Variants in SMARCC1 observed in about 807,000 individuals in gnomAD.
SMARCC1 encodes the protein SWI/SNF related BAF chromatin remodeling complex subunit C1.
A neutral mutation model predicts 147.4 loss-of-function variants in SMARCC1; 43 were observed. That is an observed-to-expected ratio of 0.29 (90% CI 0.23 to 0.38). The LOEUF (loss-of-function observed/expected upper bound fraction) is 0.38, where lower values mean the gene tolerates loss of function less well. Among genes scored for constraint, SMARCC1 ranks in the 10% least tolerant of loss-of-function variants. SMARCC1 has a pLI of 1.00. For synonymous variants in SMARCC1, 495 were observed against 484.4 expected, an observed-to-expected ratio of 1.02 and a Z score of -0.29; for missense variants, 1,119 against 1,381.1, an observed-to-expected ratio of 0.81 and a Z score of 3.01.
rs376524148 is a variant in SMARCC1 at position 47,696,951 on chromosome 3, C to T, written c.1166-3651G>A. ...TCATGGCTCACTGAAGCCTCAATGTCCTTGGTTTCCAGCAATCCTCTCACT... is the reference window on the plus strand; with the variant it reads ...TCATGGCTCACTGAAGCCTCAATGTTCTTGGTTTCCAGCAATCCTCTCACT... On this transcript the variant is annotated intron_variant, in intron 11 of 27. Coordinates refer to ENST00000254480, the MANE Select transcript of SMARCC1 (RefSeq NM_003074.4). Among the ~76,000 whole-genome samples the T allele has an allele frequency of 1.9e-4, 29 of 152,300 alleles. No homozygotes were observed. In the East Asian group the frequency reaches 5.6e-3, roughly 29 times the overall value.
rs551232079 is a variant in SMARCC1, at chr3:47,744,341, C to T, written c.401+1567G>A. 2.2e-4 allele frequency among the ~76,000 whole-genome samples: 34 copies of T among 152,136 alleles called. No homozygotes were observed. In the South Asian group the frequency reaches 2.5e-3, roughly 11 times the overall value. Reference sequence around the variant, plus strand: ...TGTATTTTTAGTAGAGACAGGGTTTCGCCATGATGGCCAGTCTGGACTCGA... The same window carrying T: ...TGTATTTTTAGTAGAGACAGGGTTTTGCCATGATGGCCAGTCTGGACTCGA... On this transcript the variant is annotated intron_variant, in intron 3 of 27. Transcript: ENST00000254480.
chr3:47,775,127 T>C (rs761853279), intron 1 of SMARCC1, among the ~76,000 whole-genome samples: 1 of 151,942 alleles, frequency 6.6e-6, no homozygotes, highest in African/African-American at 2.4e-5. Context: ...AAGTGAAAAT[T>C]TGAAGTCAGT....
chr3:47,629,306 A>G (rs1246797959), intron 24 of SMARCC1, among the ~76,000 whole-genome samples: 1 of 152,218 alleles, frequency 6.6e-6, no homozygotes, highest in Non-Finnish European at 1.5e-5. Flanking sequence ...CCTGATTTAC[A>G]TAAGATCCGA....
intron 15 of SMARCC1, among the ~76,000 whole-genome samples, chr3:47,680,062 T>C (rs553317241): frequency 1.3e-5 from 2 of 151,892 alleles, no homozygotes; most frequent in South Asian, 4.2e-4. Context: ...GATAGATAGA[T>C]AAATAAACAT....
intron 20 of SMARCC1, 41 bp downstream of exon 20, chr3:47,662,293 T>A (rs1441178838): frequency 6.4e-7 from 1 of 1,566,718 alleles, no homozygotes; most frequent in South Asian, 1.2e-5. Flanking sequence ...TGGGATAAAC[T>A]GAGTTTTTCT....
chr3:47,756,470 T>C (rs1166851377), intron 2 of SMARCC1, among the ~76,000 whole-genome samples: 7 of 137,546 alleles, frequency 5.1e-5, no homozygotes. Context: ...GAGGCGGAGG[T>C]TGCAGTGAGC....
chr3:47,771,841 G>A (rs1028854702), intron 2 of SMARCC1, among the ~76,000 whole-genome samples: 2 of 151,578 alleles, frequency 1.3e-5, no homozygotes, highest in Non-Finnish European at 2.9e-5. Context: ...CGGCACTTTG[G>A]GAGGCCGAGG....
chr3:47,617,505 T>C (rs921909578), intron 25 of SMARCC1, among the ~76,000 whole-genome samples: 2 of 152,254 alleles, frequency 1.3e-5, no homozygotes, highest in Non-Finnish European at 2.9e-5. Flanking sequence ...CTGGTTTGCA[T>C]AACGGGAGGC....
intron 21 of SMARCC1, among the ~76,000 whole-genome samples, chr3:47,652,329 C>T (rs2033200875): frequency 6.6e-6 from 1 of 152,090 alleles, no homozygotes; most frequent in Non-Finnish European, 1.5e-5. Context: ...AGCTGCTCTG[C>T]CTGATGCATT....
intron 15 of SMARCC1, 60 bp downstream of exon 15, chr3:47,680,377 C>T: frequency 8.8e-7 from 1 of 1,138,360 alleles, no homozygotes; most frequent in Non-Finnish European, 1.3e-6. Flanking sequence ...CAGGTGGATG[C>T]TTGAAGAGCC....
rs766286006 is a variant in SMARCC1 at position 47,635,300 on chromosome 3, T to C, written c.2536A>G (p.Lys846Glu). Residue 846 changes from lysine (K) to glutamate (E), a missense_variant, in exon 24 of 28, where the codon AAA becomes GAA. Transcript: ENST00000254480. ...EENKELTDTC[K>E]ERESDTGKKK... The stretch of plus-strand genomic sequence containing the variant: ...TTCCCAGTATCACTTTCTCTTTCTT[T>C]ACATGTATCAGTGAGTTCTTTGTTC... The C allele has an allele frequency of 6.2e-7, 1 of 1,613,002 alleles. No individual in the cohort carries two copies. Among genetic ancestry groups the C allele is most frequent in the Non-Finnish European group, 8.5e-7 (1 of 1,179,490 alleles).
At chr3:47,636,181 C>A (rs2032965939) in intron 22 of SMARCC1, 45 bp from the exon 23 acceptor site, 2 of 1,036,444 alleles carry the variant, frequency 1.9e-6, no homozygotes, top group South Asian at 2.7e-5. Context: ...AACAAAAAAA[C>A]CCCAGACCTT....
chr3:47,776,521 T>A (rs1324022623), intron 1 of SMARCC1, among the ~76,000 whole-genome samples: 2 of 152,062 alleles, frequency 1.3e-5, no homozygotes, highest in African/African-American at 2.4e-5. Context: ...GGAAAATTGC[T>A]TGAACCCAGG....
At chr3:47,679,638 G>T (rs1033636298) in intron 15 of SMARCC1, among the ~76,000 whole-genome samples, 2 of 152,142 alleles carry the variant, frequency 1.3e-5, no homozygotes, top group Non-Finnish European at 1.5e-5. Context: ...GAGGCAAGTG[G>T]ATCACTTGAG....
At position 47,633,807 on chromosome 3, in the gene SMARCC1, CACACACACACAT is replaced by C. The variant is rs1412237456; in HGVS notation, c.2646+1371_2646+1382del. Among the ~76,000 whole-genome samples the C allele has an allele frequency of 1.8e-4, 19 of 105,730 alleles. 1 individual carries two copies. Among genetic ancestry groups the C allele is most frequent in the African/African-American group, 6.0e-4 (19 of 31,548 alleles). 69.4% of individuals were successfully genotyped at this position (105,730 alleles called of 152,430 possible). On this transcript the variant is annotated intron_variant, in intron 24 of 27. Coordinates refer to ENST00000254480, the MANE Select transcript of SMARCC1 (RefSeq NM_003074.4). ...ACACACACACACACACACACACACA[CACACACACACAT>C]ATATATAAAATGTGAGAGACTATGA...
chr3:47,635,288 T>C lies in SMARCC1; in HGVS notation c.2548A>G (p.Ser850Gly). 6.2e-7 allele frequency: 1 copy of C among 1,612,894 alleles called. No homozygotes were observed. The highest frequency in any genetic ancestry group is 8.5e-7 in the Non-Finnish European group (1 of 1,179,230). ...ELTDTCKERE[S>G]DTGKKKVEHE... Reference sequence around the variant, plus strand: ...TCTACTTTCTTCTTCCCAGTATCACTTTCTCTTTCTTTACATGTATCAGTG... The same window carrying C: ...TCTACTTTCTTCTTCCCAGTATCACCTTCTCTTTCTTTACATGTATCAGTG... Residue 850 changes from serine to glycine, a missense_variant, in exon 24 of 28, where the codon AGT becomes GGT. By Grantham distance (56) the Ser-to-Gly change is moderately conservative. Around this residue, in one of 6 missense-constraint regions of SMARCC1, gnomAD observed 157 missense variants for 158.6 expected, o/e 0.99. Transcript: ENST00000254480.
intron 21 of SMARCC1, among the ~76,000 whole-genome samples, chr3:47,642,465 T>C (rs2033060953): frequency 6.6e-6 from 1 of 151,850 alleles, no homozygotes. Flanking sequence ...TGGCGCATGC[T>C]AGTAATCCCA....
At chr3:47,721,807 TCAAGACCACCCTGGGCAA>T (rs2034236154) in intron 6 of SMARCC1, among the ~76,000 whole-genome samples, 1 of 151,854 alleles carries the variant, frequency 6.6e-6, no homozygotes, top group African/African-American at 2.4e-5. Flanking sequence ...GCCCAGGAGT[TCAAGACCACCCTGGGCAA>T]CAAAGTGAGA....
chr3:47,712,010 A>ATCACC (rs1397487915), intron 8 of SMARCC1, among the ~76,000 whole-genome samples: 10 of 152,216 alleles, frequency 6.6e-5, no homozygotes, highest in African/African-American at 2.4e-4. Context: ...AGGCGGGCAG[A>ATCACC]TCACCTGAGG....
Sources: gnomAD v4.1 joint callset for allele counts (sites outside exome capture counted in the v4.1 genomes callset) on GRCh38, gnomAD v4.1.1 for gene constraint, gnomAD v4.1.1 regional missense constraint, MANE v1.5 for transcripts, NCBI Gene and HGNC (gene_info 2026-07-23, HGNC 2026-07-21) for gene names.